Variants in GALNT17 observed in about 807,000 individuals in gnomAD.
GALNT17 encodes the protein UDP-GalNAc:polypeptide N-acetylgalactosaminyltransferase-like 3.
Under a neutral mutation model 63.7 loss-of-function variants are expected in GALNT17, and 29 were observed. The ratio of observed to expected loss-of-function variants is 0.46; its 90% CI spans 0.34 to 0.62. The LOEUF is 0.62. Among genes scored for constraint, GALNT17 ranks in the 20% least tolerant of loss-of-function variants. The probability of loss-of-function intolerance (pLI) is 0.01; values close to 1 mark genes in which losing one functional copy is unlikely to be tolerated. For synonymous variants in GALNT17, 305 were observed against 318.3 expected (o/e 0.96, Z 0.45); for missense variants, 603 against 799.6 (o/e 0.75, Z 2.97).
rs111701851 is a variant in GALNT17 at position 71,175,141 on chromosome 7, C to T, written c.238+42101C>T. Among the ~76,000 whole-genome samples, 384 of 131,376 alleles carry T rather than the reference C, an allele frequency of 2.9e-3. 2 individuals carry two copies. The highest frequency in any genetic ancestry group is 0.015 in the African/African-American group (355 of 23,260). The allele number at this position is 131,376 out of a possible 152,430, so 86.2% of individuals were successfully genotyped here. On this transcript the variant is annotated intron_variant, in intron 1 of 10. Transcript: ENST00000333538. ...TCATCCATCCATCAGTCTATCTGTC[C>T]ATCCATTCTTCTTTCTTTCTTCCTT...
intron 5 of GALNT17, among the ~76,000 whole-genome samples, chr7:71,440,167 T>C (rs1487218234): frequency 1.3e-5 from 2 of 151,822 alleles, no homozygotes; most frequent in Non-Finnish European, 2.9e-5. Context: ...TGACCTCGAG[T>C]GATCCATCTT....
chr7:71,463,736 A>G (rs1787490267), intron 5 of GALNT17, among the ~76,000 whole-genome samples: 1 of 152,170 alleles, frequency 6.6e-6, no homozygotes. Flanking sequence ...ACTTCCGGGC[A>G]TTGCCATGGC....
At chr7:71,278,563 G>C (rs774555065) in intron 1 of GALNT17, among the ~76,000 whole-genome samples, 15 of 152,162 alleles carry the variant, frequency 9.9e-5, no homozygotes, top group Non-Finnish European at 1.6e-4. Flanking sequence ...CCAGAGACTG[G>C]GCAACTTATG....
intron 6 of GALNT17, among the ~76,000 whole-genome samples, chr7:71,601,839 G>C (rs1396117159): frequency 2.0e-5 from 3 of 152,140 alleles, no homozygotes; most frequent in Non-Finnish European, 4.4e-5. Flanking sequence ...TTACCCAAGA[G>C]GGAAGAAGGA....
At chr7:71,358,024 C>T (rs904476276) in intron 2 of GALNT17, among the ~76,000 whole-genome samples, 2 of 152,156 alleles carry the variant, frequency 1.3e-5, no homozygotes, top group Non-Finnish European at 2.9e-5. Context: ...CAGCCAGCAG[C>T]GGCAACCCGC....
At chr7:71,462,334 C>T (rs971846218) in intron 5 of GALNT17, among the ~76,000 whole-genome samples, 1 of 152,182 alleles carries the variant, frequency 6.6e-6, no homozygotes, top group African/African-American at 2.4e-5. Flanking sequence ...TTGCAATAGA[C>T]GTTGACTCTG....
chr7:71,153,771 G>A (rs912218208), intron 1 of GALNT17, among the ~76,000 whole-genome samples: 5 of 151,954 alleles, frequency 3.3e-5, no homozygotes, highest in African/African-American at 9.7e-5. Context: ...ACAAAAATTA[G>A]CCAGTCGTGG....
intron 8 of GALNT17, among the ~76,000 whole-genome samples, chr7:71,674,478 T>C (rs1791118309): frequency 6.6e-6 from 1 of 151,944 alleles, no homozygotes; most frequent in South Asian, 2.1e-4. Flanking sequence ...CCCTAGTAGC[T>C]GCTACCACAG....
chr7:71,262,668 T>A (rs1790406681), intron 1 of GALNT17, among the ~76,000 whole-genome samples: 1 of 151,394 alleles, frequency 6.6e-6, no homozygotes, highest in Non-Finnish European at 1.5e-5. Flanking sequence ...GGTGTCCTTT[T>A]TTTTTACTTT....
Position 71,713,466 on chromosome 7 carries a change from C to G in GALNT17, c.*1320C>G, listed in dbSNP as rs1053268942. 2 of 152,788 alleles carry G rather than the reference C, an allele frequency of 1.3e-5. No homozygotes were observed. The highest frequency in any genetic ancestry group is 2.9e-5 in the Non-Finnish European group (2 of 68,530). 9.5% of individuals were successfully genotyped at this position (152,788 alleles called of 1,614,324 possible). On this transcript the variant is annotated 3_prime_UTR_variant, in exon 11 of 11. Transcript: ENST00000333538. ...CACACTGTCCCTGGCCAAGCCCTGC[C>G]CAGAGCTGAACCCTGTAGCTGCCCC...
chr7:71,183,416 C>T (rs1788770887), intron 1 of GALNT17, among the ~76,000 whole-genome samples: 3 of 152,118 alleles, frequency 2.0e-5, no homozygotes. Flanking sequence ...CAAAGGCTCC[C>T]ACTCTCGCAT....
intron 1 of GALNT17, among the ~76,000 whole-genome samples, chr7:71,314,406 A>G (rs1414104471): frequency 3.3e-5 from 5 of 152,122 alleles, no homozygotes; most frequent in African/African-American, 7.2e-5. Flanking sequence ...ATGAGAGAGA[A>G]AGAGAGGGTG....
chr7:71,374,901 G>C (rs13239869), intron 2 of GALNT17, among the ~76,000 whole-genome samples: 1 of 145,780 alleles, frequency 6.9e-6, no homozygotes, highest in East Asian at 2.0e-4. Context: ...GTGCAGTGGC[G>C]CAATCTTGGC....
At chr7:71,258,462 G>A (rs1189581685) in intron 1 of GALNT17, among the ~76,000 whole-genome samples, 10 of 152,142 alleles carry the variant, frequency 6.6e-5, no homozygotes, top group Admixed American at 6.5e-4. Context: ...AACAAATATG[G>A]CACCTTTTGT....
At chr7:71,154,193 A>G (rs1316624509) in intron 1 of GALNT17, among the ~76,000 whole-genome samples, 1 of 150,872 alleles carries the variant, frequency 6.6e-6, no homozygotes, top group Non-Finnish European at 1.5e-5. Context: ...TGAAGCCCCC[A>G]TACTGGAGGG....
chr7:71,592,544 A>AATAGC (rs60698680), intron 6 of GALNT17, among the ~76,000 whole-genome samples: 7 of 115,366 alleles, frequency 6.1e-5, no homozygotes, highest in African/African-American at 2.2e-4. Context: ...AATAAAATAA[A>AATAGC]ATAGCATAGC....
chr7:71,604,213 A>G (rs1395050927), intron 6 of GALNT17, among the ~76,000 whole-genome samples: 1 of 120,320 alleles, frequency 8.3e-6, no homozygotes. Context: ...GCCAGGTACT[A>G]TGTTAAGTGC....
rs4075533 is a variant in GALNT17, at chr7:71,470,487, C to A, written c.962+49382C>A. On this transcript the variant is annotated intron_variant, in intron 5 of 10. Coordinates refer to ENST00000333538, the MANE Select transcript of GALNT17 (RefSeq NM_022479.3). ...TGTGTAAAGGATGTTTAGGTCTTTC[C>A]ATTACTCATACACAGACCCAGATTC... Among the ~76,000 whole-genome samples, 51 of 151,702 alleles carry A rather than the reference C, an allele frequency of 3.4e-4. 1 individual carries two copies. The highest frequency in any genetic ancestry group is 3.3e-3 in the Admixed American group (50 of 15,230).
chr7:71,294,651 G>A (rs1045273251), intron 1 of GALNT17, among the ~76,000 whole-genome samples: 1 of 152,018 alleles, frequency 6.6e-6, no homozygotes, highest in Non-Finnish European at 1.5e-5. Flanking sequence ...CTGACCTCAG[G>A]TAATCAACCC....
Sources: allele counts gnomAD v4.1 joint callset (sites outside exome capture counted in the v4.1 genomes callset), GRCh38; gene constraint gnomAD v4.1.1; transcripts MANE v1.5; gene names NCBI Gene and HGNC (gene_info 2026-07-23, HGNC 2026-07-21).